The following SUSD5 variants were observed in gnomAD, a reference collection of about 807,000 sequenced individuals.
The protein encoded by SUSD5 is sushi domain containing 5, also known as sushi domain-containing protein 5.
A neutral mutation model predicts 29.5 loss-of-function variants in SUSD5; 33 were observed. The observed-to-expected ratio is 1.12, with a 90% CI of 0.85 to 1.49. The LOEUF is 1.49. SUSD5 is among the 40% of genes most tolerant of loss of function. SUSD5 has a pLI of 0.00. For missense variants in SUSD5, 776 were observed against 800.6 expected, an observed-to-expected ratio of 0.97 and a Z score of 0.37; for synonymous variants, 308 against 325.3, an observed-to-expected ratio of 0.95 and a Z score of 0.57.
rs547754918 is a variant in SUSD5 at position 33,176,229 on chromosome 3, T to C, written c.410-1155A>G. On this transcript the variant is annotated intron_variant, in intron 3 of 4. Transcript: ENST00000309558. ...TCCATTGTCTGGATGTATCACAGTT[T>C]ATTTATCTATTCACCTACTGAAGTA... Among the ~76,000 whole-genome samples the C allele has an allele frequency of 1.2e-4, 19 of 152,368 alleles. No individual in the cohort carries two copies. The South Asian group carries it at 3.9e-3, about 32-fold the overall frequency.
At chr3:33,162,674 TG>T (rs1336664200) in intron 4 of SUSD5, among the ~76,000 whole-genome samples, 1 of 152,196 alleles carries the variant, frequency 6.6e-6, no homozygotes, top group African/African-American at 2.4e-5. Context: ...GGAAGCTGGC[TG>T]GGCATGGTGG....
intron 3 of SUSD5, among the ~76,000 whole-genome samples, chr3:33,193,288 G>A (rs1489318725): frequency 6.6e-6 from 1 of 152,182 alleles, no homozygotes; most frequent in Non-Finnish European, 1.5e-5. Context: ...ATGCATTGAG[G>A]AAGCATGCCT....
At chr3:33,161,563 G>C (rs72859143) in intron 4 of SUSD5, among the ~76,000 whole-genome samples, 1 of 151,890 alleles carries the variant, frequency 6.6e-6, no homozygotes, top group Non-Finnish European at 1.5e-5. Context: ...TGCTACTATT[G>C]AAAGACAAAA....
intron 3 of SUSD5, among the ~76,000 whole-genome samples, chr3:33,187,116 C>G (rs1398503562): frequency 1.3e-5 from 2 of 152,138 alleles, no homozygotes; most frequent in Non-Finnish European, 2.9e-5. Flanking sequence ...GCTGGATGCC[C>G]CACTGTTTTC....
chr3:33,182,488 GC>G (rs1213194929), intron 3 of SUSD5, among the ~76,000 whole-genome samples: 2 of 152,184 alleles, frequency 1.3e-5, no homozygotes, highest in Admixed American at 1.3e-4. Flanking sequence ...TGATCTGCCT[GC>G]CAGATCTGTC....
In SUSD5 at chr3:33,152,964, A is replaced by T. The variant is rs779719750; in HGVS notation, c.1668T>A (p.His556Gln). The part of the protein sequence containing the change: ...GPGPGASEEL[H>Q]PTLESCVGDG... ...CCCCCACACACGACTCCAAGGTGGG[A>T]TGAAGCTCCTCACTTGCACCTGGCC... The change falls in exon 5 of 5, where the codon CAT becomes CAA. Residue 556 changes from histidine to glutamine, a missense_variant. His to Gln is a conservative substitution (Grantham distance 24, BLOSUM62 0). Coordinates refer to ENST00000309558, the MANE Select transcript of SUSD5 (RefSeq NM_015551.2). 8 of 1,613,984 alleles carry T rather than the reference A, an allele frequency of 5.0e-6. No homozygotes were observed. The South Asian group carries it at 8.8e-5, about 18-fold the overall frequency.
chr3:33,200,497 T>C (rs1030106347), intron 3 of SUSD5, among the ~76,000 whole-genome samples: 2 of 150,424 alleles, frequency 1.3e-5, no homozygotes, highest in African/African-American at 4.8e-5. Flanking sequence ...TCTTGTGGAT[T>C]TTCCAGTCCT....
At position 33,153,371 on chromosome 3, in the gene SUSD5, T is replaced by C; in HGVS notation, c.1261A>G (p.Lys421Glu). 1 of 1,613,906 alleles carries C rather than the reference T, an allele frequency of 6.2e-7. No individual in the cohort carries two copies. The change falls in exon 5 of 5, where the codon AAG becomes GAG. Residue 421 changes from lysine (K) to glutamate (E), a missense_variant. Physicochemically the swap from Lys to Glu is moderately conservative, Grantham distance 56 (BLOSUM62 1). Transcript: ENST00000309558. ...TCGCTTGGTGTGAGGGTGCTACTCT[T>C]GGGCTTCTTAACTTCCACAAGAATG... Reference protein sequence around the residue: ...QPILVEVKKPKSSTLTPSEGM... With the variant: ...QPILVEVKKPESSTLTPSEGM...
At chr3:33,213,900 T>C (rs375234063) in intron 2 of SUSD5, 28 bp downstream of exon 2, 29 of 1,561,410 alleles carry the variant, frequency 1.9e-5, no homozygotes, top group South Asian at 4.8e-5. Context: ...CTGGGGTGAG[T>C]TGGAAAAGGA....
rs188037124 is a variant in SUSD5, at chr3:33,207,661, G to A, written c.409+147C>T. The A allele has an allele frequency of 1.9e-4, 106 of 551,918 alleles. 1 individual carries two copies. The highest frequency in any genetic ancestry group is 2.8e-4 in the Middle Eastern group (1 of 3,616). 34.2% of individuals were successfully genotyped at this position (551,918 alleles called of 1,614,324 possible). ...TCCTCATCTTGTCCACTTCCCCACC[G>A]CACTATTGGCTTTTCTTTGGAAGAC... On this transcript the variant is annotated intron_variant, in intron 3 of 4. Coordinates refer to ENST00000309558, the MANE Select transcript of SUSD5 (RefSeq NM_015551.2).
chr3:33,216,116 G>GAGAAAAC (rs2032424309), intron 1 of SUSD5, among the ~76,000 whole-genome samples: 1 of 151,982 alleles, frequency 6.6e-6, no homozygotes, highest in East Asian at 1.9e-4. Context: ...GACAAAAAAA[G>GAGAAAAC]AGAAAACACA....
intron 3 of SUSD5, among the ~76,000 whole-genome samples, chr3:33,185,627 G>C (rs1163966998): frequency 6.6e-6 from 1 of 152,244 alleles, no homozygotes; most frequent in Non-Finnish European, 1.5e-5. Flanking sequence ...AAGAGCTGTG[G>C]ATGTGTCAGT....
chr3:33,157,771 G>A (rs570244814), intron 4 of SUSD5, among the ~76,000 whole-genome samples: 1 of 152,328 alleles, frequency 6.6e-6, no homozygotes, highest in South Asian at 2.1e-4. Flanking sequence ...GGATGCTGAA[G>A]GATAAAAGAC....
At chr3:33,192,079 A>ATTT (rs200854031) in intron 3 of SUSD5, among the ~76,000 whole-genome samples, 2 of 145,874 alleles carry the variant, frequency 1.4e-5, no homozygotes, top group African/African-American at 2.5e-5. Context: ...TAATGCGCAT[A>ATTT]TTTTTTTTTT....
rs746183504 is a variant in SUSD5 at position 33,174,902 on chromosome 3, C to T, written c.582G>A (p.Val194=). 13 of 1,613,888 alleles carry T rather than the reference C, an allele frequency of 8.1e-6. No homozygotes were observed. The highest frequency in any genetic ancestry group is 1.0e-5 in the Non-Finnish European group (12 of 1,179,904). The part of the protein sequence containing the change: ...CNSCGEWYGL[V]QACGKDEAEA... ...GCTGCTTACCTTTCCCACAGGCCTG[C>T]ACCAGGCCGTACCACTCCCCACAGC... is the stretch of plus-strand genomic sequence containing the variant. The change falls in exon 4 of 5, where the codon GTG becomes GTA. Residue 194 remains valine (V), a synonymous_variant. Coordinates refer to ENST00000309558, the MANE Select transcript of SUSD5 (RefSeq NM_015551.2).
intron 2 of SUSD5, among the ~76,000 whole-genome samples, chr3:33,211,006 T>C (rs1157313955): frequency 1.3e-5 from 2 of 152,188 alleles, no homozygotes; most frequent in African/African-American, 4.8e-5. Context: ...CCTGAGTAGC[T>C]GGGACTACAG....
intron 3 of SUSD5, among the ~76,000 whole-genome samples, chr3:33,187,084 T>G (rs2031793520): frequency 6.6e-6 from 1 of 152,134 alleles, no homozygotes; most frequent in Non-Finnish European, 1.5e-5. Flanking sequence ...CTTTCCACCT[T>G]TCTCAGCTGC....
At chr3:33,174,802 C>T in intron 4 of SUSD5, 84 bp downstream of exon 4, 1 of 1,502,622 alleles carries the variant, frequency 6.7e-7, no homozygotes, top group Non-Finnish European at 9.1e-7. Context: ...TGGAGAAGAG[C>T]CCACCGCATG....
At chr3:33,170,404 C>G (rs1403695306) in intron 4 of SUSD5, among the ~76,000 whole-genome samples, 1 of 152,274 alleles carries the variant, frequency 6.6e-6, no homozygotes, top group Non-Finnish European at 1.5e-5. Context: ...GGGACCAGAG[C>G]TAGAGAAGTA....
Sources: gnomAD v4.1 joint callset for allele counts (sites outside exome capture counted in the v4.1 genomes callset) on GRCh38, gnomAD v4.1.1 for gene constraint, MANE v1.5 for transcripts, NCBI Gene and HGNC (gene_info 2026-07-23, HGNC 2026-07-21) for gene names.